UNC79: variants seen among roughly 807,000 people sequenced by gnomAD.
UNC79 encodes unc-79 subunit of NALCN channel complex.
Under a neutral mutation model 283.1 loss-of-function variants are expected in UNC79, and 37 were observed. That is an observed-to-expected ratio of 0.13 (90% CI 0.10 to 0.17). The LOEUF (loss-of-function observed/expected upper bound fraction) is 0.17. UNC79 is among the 10% of genes least tolerant of loss of function. The pLI, the probability that UNC79 is intolerant of heterozygous loss-of-function variation, is 1.00. For synonymous variants in UNC79, 1,107 were observed against 1,200.2 expected (o/e 0.92, Z 1.61); for missense variants, 2,272 against 3,211.1 (o/e 0.71, Z 7.07).
intron 14 of UNC79, among the ~76,000 whole-genome samples, chr14:93,556,737 G>GA (rs1042059214): frequency 1.3e-5 from 2 of 151,068 alleles, no homozygotes; most frequent in Admixed American, 6.6e-5. Context: ...TCCAAGAAGA[G>GA]AAAAAAGCCT....
At chr14:93,482,368 A>G (rs1226351065) in intron 4 of UNC79, among the ~76,000 whole-genome samples, 2 of 152,200 alleles carry the variant, frequency 1.3e-5, no homozygotes, top group East Asian at 1.9e-4. Flanking sequence ...TCATTAATCT[A>G]TAATTCTGCA....
intron 47 of UNC79, among the ~76,000 whole-genome samples, chr14:93,696,165 G>A (rs1379684168): frequency 6.6e-6 from 1 of 152,094 alleles, no homozygotes; most frequent in Non-Finnish European, 1.5e-5. Flanking sequence ...TTTCAGAGTA[G>A]TAGTCCATTG....
intron 1 of UNC79, among the ~76,000 whole-genome samples, chr14:93,447,283 CT>C (rs1341331443): frequency 2.0e-5 from 3 of 151,972 alleles, no homozygotes; most frequent in Non-Finnish European, 4.4e-5. Flanking sequence ...TTTAAATATT[CT>C]TTTTTGCATT....
chr14:93,339,607 C>T (rs2053659799), intron 1 of UNC79, among the ~76,000 whole-genome samples: 1 of 152,230 alleles, frequency 6.6e-6, no homozygotes, highest in Admixed American at 6.5e-5. Context: ...CCTAGATGGC[C>T]ATTTTAACAG....
chr14:93,665,178 A>G (rs1446150065), intron 40 of UNC79, among the ~76,000 whole-genome samples: 6 of 149,810 alleles, frequency 4.0e-5, no homozygotes. Context: ...TTAAATGATA[A>G]GCATATGAAA....
At chr14:93,476,942 T>A (rs141951849) in intron 3 of UNC79, among the ~76,000 whole-genome samples, 2 of 152,332 alleles carry the variant, frequency 1.3e-5, no homozygotes, top group African/African-American at 4.8e-5. Context: ...CTCCTAACAA[T>A]CCTTCTAATG....
chr14:93,458,995 C>G (rs1202785984), intron 1 of UNC79, among the ~76,000 whole-genome samples: 1 of 152,172 alleles, frequency 6.6e-6, no homozygotes, highest in Non-Finnish European at 1.5e-5. Context: ...GAAAAGGGAG[C>G]TATTGATAAT....
chr14:93,474,642 T>G lies in UNC79; in HGVS notation c.448+249T>G, dbSNP rs918535572. On this transcript the variant is annotated intron_variant, in intron 3 of 48. Coordinates refer to ENST00000555664, the Ensembl canonical transcript of UNC79. The surrounding 1 kb of genome is among the most constrained non-coding windows in gnomAD (Gnocchi z 4.1). The stretch of plus-strand genomic sequence containing the variant: ...AATGGGGCTGGAGAAAGGAGGAAGA[T>G]GTATAACAAGAAATTTTCTCTTCTT... 5.9e-5 allele frequency among the ~76,000 whole-genome samples: 9 copies of G among 152,164 alleles called. No individual in the cohort carries two copies. The highest frequency in any genetic ancestry group is 6.6e-5 in the Admixed American group (1 of 15,266).
intron 1 of UNC79, among the ~76,000 whole-genome samples, chr14:93,413,519 T>C (rs2055380938): frequency 7.1e-6 from 1 of 141,388 alleles, no homozygotes; most frequent in Non-Finnish European, 1.5e-5. Context: ...CAGCATGATT[T>C]ATAGTCCTTT....
chr14:93,656,074 C>T (rs1189681803), intron 38 of UNC79, among the ~76,000 whole-genome samples: 1 of 152,174 alleles, frequency 6.6e-6, no homozygotes, highest in African/African-American at 2.4e-5. Flanking sequence ...CTGGAAACAA[C>T]ACAGTGGTGG....
At chr14:93,380,437 C>A (rs1437458982) in intron 1 of UNC79, among the ~76,000 whole-genome samples, 1 of 152,194 alleles carries the variant, frequency 6.6e-6, no homozygotes, top group Non-Finnish European at 1.5e-5. Context: ...TCCTACAGGG[C>A]TACTGCTTAT....
At chr14:93,460,573 C>G (rs896340114) in intron 1 of UNC79, among the ~76,000 whole-genome samples, 1 of 151,070 alleles carries the variant, frequency 6.6e-6, no homozygotes, top group African/African-American at 2.4e-5. Context: ...AGATGTTATT[C>G]ACACTTAATG....
chr14:93,360,954 C>T (rs948602606), intron 1 of UNC79, among the ~76,000 whole-genome samples: 2 of 152,162 alleles, frequency 1.3e-5, no homozygotes, highest in African/African-American at 2.4e-5. Context: ...CAGCTCATGC[C>T]TGTAATCCCA....
intron 27 of UNC79, among the ~76,000 whole-genome samples, chr14:93,615,871 A>G (rs1427606871): frequency 6.6e-6 from 1 of 152,068 alleles, no homozygotes; most frequent in African/African-American, 2.4e-5. Context: ...ATTTTGGCAT[A>G]TATTGCTCCC....
At chr14:93,686,466 A>G (rs947957468) in intron 42 of UNC79, 106 bp from the exon 46 acceptor site, 29 of 1,217,860 alleles carry the variant, frequency 2.4e-5, no homozygotes, top group Non-Finnish European at 3.2e-5. Context: ...TCAGAAATCC[A>G]GAAAGTAAAA....
intron 11 of UNC79, among the ~76,000 whole-genome samples, chr14:93,536,417 C>G (rs2061077824): frequency 6.6e-6 from 1 of 152,176 alleles, no homozygotes; most frequent in South Asian, 2.1e-4. Flanking sequence ...AGATGCCCAT[C>G]TTTTCCTTCT....
chr14:93,603,529 G>A, intron 26 of UNC79, 111 bp downstream of exon 26: 3 of 1,305,298 alleles, frequency 2.3e-6, no homozygotes, highest in Non-Finnish European at 3.1e-6. Flanking sequence ...AACTGAGTTT[G>A]TTCAATAAGT....
intron 1 of UNC79, among the ~76,000 whole-genome samples, chr14:93,435,879 G>A (rs764567836): frequency 4.6e-5 from 7 of 151,972 alleles, no homozygotes; most frequent in Admixed American, 2.6e-4. Flanking sequence ...CCCCCTCATC[G>A]TCTTGGCCTG....
At chr14:93,494,027 C>T (rs1248768409) in intron 5 of UNC79, among the ~76,000 whole-genome samples, 1 of 150,734 alleles carries the variant, frequency 6.6e-6, no homozygotes, top group Non-Finnish European at 1.5e-5. Context: ...CCTCAGCCTC[C>T]CAAGTAGCTG....
Sources: gnomAD v4.1 joint callset for allele counts (sites outside exome capture counted in the v4.1 genomes callset) on GRCh38, gnomAD v4.1.1 for gene constraint, Gnocchi (gnomAD v3.1) non-coding constraint, MANE v1.5 for transcripts, NCBI Gene and HGNC (gene_info 2026-07-23, HGNC 2026-07-21) for gene names.